Variants in GABRB1 observed in about 807,000 individuals in gnomAD.
GABRB1 encodes gamma-aminobutyric acid type A receptor subunit beta1, also known as gamma-aminobutyric acid receptor subunit beta-1.
A neutral mutation model predicts 51.6 loss-of-function variants in GABRB1; 17 were observed. That is an observed-to-expected ratio of 0.33 (90% CI 0.23 to 0.49). The LOEUF (loss-of-function observed/expected upper bound fraction) is 0.49. GABRB1 is among the 20% of genes least tolerant of loss of function. The pLI is 0.99. For synonymous variants in GABRB1, 247 were observed against 218.9 expected (o/e 1.13, Z -1.14); for missense variants, 410 against 600.6 (o/e 0.68, Z 3.32).
intron 3 of GABRB1, among the ~76,000 whole-genome samples, chr4:47,042,177 T>A (rs1385671063): frequency 6.6e-6 from 1 of 151,856 alleles, no homozygotes; most frequent in Non-Finnish European, 1.5e-5. Context: ...TTTTGAGTCA[T>A]AAAAATTGTT....
At chr4:47,149,337 A>C (rs1717324921) in intron 3 of GABRB1, among the ~76,000 whole-genome samples, 1 of 152,020 alleles carries the variant, frequency 6.6e-6, no homozygotes, top group Non-Finnish European at 1.5e-5. Context: ...CTTATTTATT[A>C]AATTATAGTT....
intron 1 of GABRB1, among the ~76,000 whole-genome samples, chr4:47,001,203 C>A (rs1243621190): frequency 1.3e-5 from 2 of 152,054 alleles, no homozygotes; most frequent in Non-Finnish European, 2.9e-5. Context: ...AGTACAGTGG[C>A]GCGATCTGGG....
At chr4:47,302,918 A>G (rs1250110339) in intron 4 of GABRB1, among the ~76,000 whole-genome samples, 1 of 151,966 alleles carries the variant, frequency 6.6e-6, no homozygotes, top group Non-Finnish European at 1.5e-5. Context: ...GAAATTAACT[A>G]TGTTTAATGT....
At chr4:47,135,465 G>C (rs1205378544) in intron 3 of GABRB1, among the ~76,000 whole-genome samples, 2 of 152,068 alleles carry the variant, frequency 1.3e-5, no homozygotes, top group Non-Finnish European at 2.9e-5. Flanking sequence ...CTTAGTCAAA[G>C]TGTGCCAAAA....
chr4:47,282,892 C>A (rs1400368641), intron 4 of GABRB1, among the ~76,000 whole-genome samples: 2 of 152,080 alleles, frequency 1.3e-5, no homozygotes, highest in South Asian at 2.1e-4. Flanking sequence ...TGGTACTTGA[C>A]AATATGACAC....
intron 3 of GABRB1, among the ~76,000 whole-genome samples, chr4:47,132,667 A>C (rs1321803471): frequency 6.6e-6 from 1 of 152,206 alleles, no homozygotes; most frequent in Non-Finnish European, 1.5e-5. Context: ...AAATACTGGA[A>C]ACGCTCAACG....
intron 4 of GABRB1, among the ~76,000 whole-genome samples, chr4:47,185,869 C>T (rs1214804717): frequency 6.6e-6 from 1 of 151,834 alleles, no homozygotes; most frequent in East Asian, 1.9e-4. Context: ...TCCCAGCTCT[C>T]AAGTGCTGGG....
intron 3 of GABRB1, among the ~76,000 whole-genome samples, chr4:47,145,542 G>A (rs906748924): frequency 3.3e-5 from 5 of 151,860 alleles, no homozygotes; most frequent in African/African-American, 4.8e-5. Flanking sequence ...AGAAAATGGA[G>A]AGAGAGAGAG....
intron 8 of GABRB1, among the ~76,000 whole-genome samples, chr4:47,425,135 T>C (rs1729225839): frequency 6.6e-6 from 1 of 152,150 alleles, no homozygotes; most frequent in African/African-American, 2.4e-5. Context: ...ATAAAGCGTG[T>C]CACAGAGGAA....
At chr4:47,217,941 T>G (rs944012533) in intron 4 of GABRB1, among the ~76,000 whole-genome samples, 1 of 151,954 alleles carries the variant, frequency 6.6e-6, no homozygotes, top group South Asian at 2.1e-4. Context: ...TCCTTCTATC[T>G]AACTGTATGT....
chr4:47,095,461 A>T (rs28722026), intron 3 of GABRB1, among the ~76,000 whole-genome samples: 2,286 of 152,308 alleles, frequency 0.015, 51 homozygotes, highest in African/African-American at 0.052. Context: ...GTTCATGTGT[A>T]TGTGTAGGAA....
chr4:47,337,019 GA>G (rs779381289), intron 5 of GABRB1, among the ~76,000 whole-genome samples: 1 of 152,176 alleles, frequency 6.6e-6, no homozygotes, highest in Non-Finnish European at 1.5e-5. Context: ...GTTTGAAGTT[GA>G]AATAGAAGCC....
At chr4:47,372,463 G>T (rs1397475955) in intron 5 of GABRB1, among the ~76,000 whole-genome samples, 2 of 152,044 alleles carry the variant, frequency 1.3e-5, no homozygotes, top group Non-Finnish European at 2.9e-5. Flanking sequence ...CTCCCTTTCT[G>T]ATCTTAGAGA....
intron 3 of GABRB1, among the ~76,000 whole-genome samples, chr4:47,104,150 T>C (rs906755922): frequency 6.6e-6 from 1 of 151,748 alleles, no homozygotes; most frequent in Non-Finnish European, 1.5e-5. Flanking sequence ...ATTTTTGAGA[T>C]ATATTTTCAC....
At chr4:47,131,229 G>A (rs1329646527) in intron 3 of GABRB1, among the ~76,000 whole-genome samples, 1 of 151,920 alleles carries the variant, frequency 6.6e-6, no homozygotes, top group Non-Finnish European at 1.5e-5. Flanking sequence ...GCGCAATCTC[G>A]GTTCACTGCA....
intron 5 of GABRB1, among the ~76,000 whole-genome samples, chr4:47,393,350 G>A (rs1312890092): frequency 6.6e-6 from 1 of 152,168 alleles, no homozygotes; most frequent in Non-Finnish European, 1.5e-5. Flanking sequence ...AGACAGATAA[G>A]CCAGGTAAAA....
chr4:47,106,490 A>T (rs1006484974), intron 3 of GABRB1, among the ~76,000 whole-genome samples: 2 of 152,124 alleles, frequency 1.3e-5, no homozygotes, highest in African/African-American at 4.8e-5. Context: ...ATATACAATT[A>T]CAGATGACTT....
chr4:47,161,235 TC>T lies in GABRB1; in HGVS notation c.241-13del. ...TAAAATTCTTTTTTTTTTTTTGCTT[TC>T]TTTATTTCACAGGATTATACACTCA... On this transcript the variant is annotated splice_polypyrimidine_tract_variant and intron_variant, in intron 3 of 8. Transcript: ENST00000295454. The T allele has an allele frequency of 6.6e-7, 1 of 1,520,246 alleles. No homozygotes were observed. The highest frequency in any genetic ancestry group is 2.0e-5 in the Admixed American group (1 of 48,920). The allele number at this position is 1,520,246 out of a possible 1,614,324, so 94.2% of individuals were successfully genotyped here. A position where few individuals can be genotyped will look rare whatever the true frequency, so the allele number is the denominator to read the frequency against.
At position 47,123,996 on chromosome 4, in the gene GABRB1, C is replaced by CAT. The variant is rs546756003; in HGVS notation, c.241-37243_241-37242dup. ...ACACATGCACACACACACACACATG[C>CAT]ATATATATATAATCTTGCTTTTCTG... On this transcript the variant is annotated intron_variant, in intron 3 of 8. Coordinates refer to ENST00000295454, the MANE Select transcript of GABRB1 (RefSeq NM_000812.4). 6.3e-3 allele frequency among the ~76,000 whole-genome samples: 789 copies of CAT among 125,538 alleles called. 10 individuals carry two copies. The highest frequency in any genetic ancestry group is 0.023 in the African/African-American group (741 of 32,764). The allele number at this position is 125,538 out of a possible 152,430, so 82.4% of individuals were successfully genotyped here. A position where few individuals can be genotyped will look rare whatever the true frequency, so the allele number is the denominator to read the frequency against.
Sources: allele counts gnomAD v4.1 joint callset (sites outside exome capture counted in the v4.1 genomes callset), GRCh38; gene constraint gnomAD v4.1.1; transcripts MANE v1.5; gene names NCBI Gene and HGNC (gene_info 2026-07-23, HGNC 2026-07-21).